Variants in MGAT5B observed in about 807,000 individuals in gnomAD.
The protein encoded by MGAT5B is N-acetylglucosaminyl-transferase Vb.
MGAT5B carries 54 observed loss-of-function variants against 95.1 expected under a neutral mutation model. The ratio of observed to expected loss-of-function variants is 0.57; its 90% CI spans 0.46 to 0.71. The LOEUF (loss-of-function observed/expected upper bound fraction) is 0.71. Ranked by LOEUF, MGAT5B falls within the 30% of genes least tolerant of loss-of-function variation. The pLI, the probability that MGAT5B is intolerant of heterozygous loss-of-function variation, is 0.00. For missense variants in MGAT5B, 935 were observed against 1,088.6 expected, an observed-to-expected ratio of 0.86 and a Z score of 1.99; for synonymous variants, 464 against 451.0, an observed-to-expected ratio of 1.03 and a Z score of -0.36.
At chr17:76,941,141 G>A (rs1462957402) in intron 15 of MGAT5B, among the ~76,000 whole-genome samples, 1 of 152,264 alleles carries the variant, frequency 6.6e-6, no homozygotes, top group African/African-American at 2.4e-5. Flanking sequence ...TGTTTATGGA[G>A]CACTTTTGAG....
In MGAT5B at chr17:76,902,545, TC is replaced by T; in HGVS notation, c.330-7del. The T allele has an allele frequency of 1.3e-6, 2 of 1,570,098 alleles. No individual in the cohort carries two copies. The highest frequency in any genetic ancestry group is 1.4e-5 in the African/African-American group (1 of 73,880). ...GGTTCTGTGGCTCACCTCTGGCTTT[TC>T]CCACTTAGGATGCCCCCTGGGGCCG... On this transcript the variant is annotated splice_polypyrimidine_tract_variant and intron_variant, in intron 3 of 17. Transcript: ENST00000569840.
chr17:76,878,394 A>G (rs903072926), intron 2 of MGAT5B, among the ~76,000 whole-genome samples: 5 of 152,106 alleles, frequency 3.3e-5, no homozygotes, highest in African/African-American at 1.2e-4. Flanking sequence ...TTGAAGAACT[A>G]CAGAAGGGGC....
chr17:76,946,677 C>T (rs1020065301), intron 16 of MGAT5B, among the ~76,000 whole-genome samples: 2 of 152,242 alleles, frequency 1.3e-5, no homozygotes, highest in African/African-American at 4.8e-5. Context: ...CTGTCTGGGC[C>T]CAGCCTTAGA....
intron 12 of MGAT5B, among the ~76,000 whole-genome samples, chr17:76,934,348 T>C (rs1354349363): frequency 6.6e-6 from 1 of 152,208 alleles, no homozygotes; most frequent in Non-Finnish European, 1.5e-5. Flanking sequence ...GCCGAGCTGA[T>C]GTTCCAGCCT....
Position 76,940,881 on chromosome 17 carries a change from A to G in MGAT5B, c.1848+33A>G. 7 of 1,502,148 alleles carry G rather than the reference A, an allele frequency of 4.7e-6. No individual in the cohort carries two copies. Among genetic ancestry groups the G allele is most frequent in the South Asian group, 1.1e-5 (1 of 88,850 alleles). 93.1% of individuals were successfully genotyped at this position (1,502,148 alleles called of 1,614,324 possible). ...CAGCCACATACAGTTGAGACCCCCC[A>G]CTAGTCCACACTGCTGGTCTTCACT... On this transcript the variant is annotated intron_variant, in intron 15 of 17. Transcript: ENST00000569840. The surrounding 1 kb of genome is among the most constrained non-coding windows in gnomAD (Gnocchi z 4.3).
rs774619715 is a variant in MGAT5B at position 76,906,097 on chromosome 17, G to A, written c.935G>A (p.Gly312Glu). ...SPRVLKGGPL[G>E]EMVQWADILT... The stretch of plus-strand genomic sequence containing the variant: ...CGGGTCCTGAAGGGCGGGCCCCTAG[G>A]GGAGATGGTGCAGTGGGCGGACATT... The change falls in exon 8 of 18, where the codon GGG becomes GAG. Residue 312 changes from glycine (G) to glutamate (E), a missense_variant. Physicochemically the swap from Gly to Glu is moderately conservative, Grantham distance 98. Around this residue, in one of 4 missense-constraint regions of MGAT5B, gnomAD observed 243 missense variants for 305.5 expected, o/e 0.80. Coordinates refer to ENST00000569840, the MANE Select transcript of MGAT5B (RefSeq NM_001199172.2). This position sits in a 1 kb window ranked among gnomAD's most constrained non-coding sequence, Gnocchi z 4.6. 6.2e-7 allele frequency: 1 copy of A among 1,607,880 alleles called. No homozygotes were observed. The highest frequency in any genetic ancestry group is 1.1e-5 in the South Asian group (1 of 90,538).
chr17:76,944,989 T>TGGTGG, intron 15 of MGAT5B, among the ~76,000 whole-genome samples: 1 of 152,238 alleles, frequency 6.6e-6, no homozygotes, highest in African/African-American at 2.4e-5. Context: ...CCACCAGGCA[T>TGGTGG]GGTGGGGTGG....
At chr17:76,890,948 G>A (rs1258369729) in intron 3 of MGAT5B, among the ~76,000 whole-genome samples, 1 of 145,060 alleles carries the variant, frequency 6.9e-6, no homozygotes, top group Non-Finnish European at 1.5e-5. Flanking sequence ...GGCTGAGAGA[G>A]CTCTCTGGGG....
At position 76,932,752 on chromosome 17, in the gene MGAT5B, G is replaced by A. The variant is rs774124356; in HGVS notation, c.1399G>A (p.Gly467Ser). ...GKASNMAVVY[G>S]KEASIWKLQG... is the part of the protein sequence containing the mutation. ...GGCCAGCAACATGGCCGTGGTGTACGGCAAGGAGGCGAGCATCTGGAAGGT... is the reference window on the plus strand; with the variant it reads ...GGCCAGCAACATGGCCGTGGTGTACAGCAAGGAGGCGAGCATCTGGAAGGT... Residue 467 changes from glycine to serine, a missense_variant, in exon 11 of 18, where the codon GGC (glycine) becomes AGC (serine). By Grantham distance (56) the Gly-to-Ser change is moderately conservative. Coordinates refer to ENST00000569840, the MANE Select transcript of MGAT5B (RefSeq NM_001199172.2). The A allele has an allele frequency of 1.9e-6, 3 of 1,613,748 alleles. No homozygotes were observed. Among genetic ancestry groups the A allele is most frequent in the Non-Finnish European group, 2.5e-6 (3 of 1,179,862 alleles).
Position 76,897,520 on chromosome 17 carries a change from G to A in MGAT5B, c.330-5035G>A, listed in dbSNP as rs180894887. Among the ~76,000 whole-genome samples, 14 of 152,094 alleles carry A rather than the reference G, an allele frequency of 9.2e-5. No individual in the cohort carries two copies. The East Asian group carries it at 1.6e-3, about 17-fold the overall frequency. On this transcript the variant is annotated intron_variant, in intron 3 of 17. Transcript: ENST00000569840. The stretch of plus-strand genomic sequence containing the variant: ...CATCACTCCGCTCTCTGCCTGCTTC[G>A]TCACATGGTCTTTTCCCCTGGGTGT...
At chr17:76,944,791 G>A (rs1361962025) in intron 15 of MGAT5B, among the ~76,000 whole-genome samples, 1 of 152,238 alleles carries the variant, frequency 6.6e-6, no homozygotes, top group Non-Finnish European at 1.5e-5. Context: ...CCCAGGACGA[G>A]TCTCCTAAGA....
intron 8 of MGAT5B, among the ~76,000 whole-genome samples, chr17:76,908,961 C>T (rs993164664): frequency 3.3e-5 from 5 of 151,718 alleles, no homozygotes; most frequent in Non-Finnish European, 5.9e-5. Flanking sequence ...CGGGTGCCAC[C>T]GTGCCCAGCT....
chr17:76,904,514 A>G, intron 6 of MGAT5B, 92 bp downstream of exon 6: 1 of 1,374,252 alleles, frequency 7.3e-7, no homozygotes, highest in Non-Finnish European at 9.8e-7. Context: ...TGAGGGAATG[A>G]GACTGAGCTG....
At chr17:76,882,730 A>G (rs1450063472) in intron 3 of MGAT5B, among the ~76,000 whole-genome samples, 2 of 93,338 alleles carry the variant, frequency 2.1e-5, no homozygotes, top group Non-Finnish European at 3.9e-5. Context: ...TTTTTTTTTG[A>G]CACAGAGCCT....
In MGAT5B at chr17:76,914,857, C is replaced by G. The variant is rs1044161023; in HGVS notation, c.1025+8670C>G. 2.0e-4 allele frequency among the ~76,000 whole-genome samples: 31 copies of G among 152,276 alleles called. No individual in the cohort carries two copies. Among genetic ancestry groups the G allele is most frequent in the Admixed American group, 7.8e-4 (12 of 15,294 alleles). On this transcript the variant is annotated intron_variant, in intron 8 of 17. Coordinates refer to ENST00000569840, the MANE Select transcript of MGAT5B (RefSeq NM_001199172.2). This position sits in a 1 kb window ranked among gnomAD's most constrained non-coding sequence, Gnocchi z 5.1. ...TTCACCATGTGGGCCAGGCTGGTCT[C>G]AAACTCCTGACCTCAGGTGTTCCAC...
At chr17:76,932,060 C>T (rs76108056) in intron 10 of MGAT5B, among the ~76,000 whole-genome samples, 9 of 146,970 alleles carry the variant, frequency 6.1e-5, no homozygotes, top group South Asian at 2.2e-4. Flanking sequence ...TTCTCCTCCT[C>T]CTTTTTTCCT....
At chr17:76,882,047 G>GC in intron 2 of MGAT5B, 104 bp from the exon 3 acceptor site, 2 of 1,196,542 alleles carry the variant, frequency 1.7e-6, no homozygotes, top group East Asian at 5.5e-5. Flanking sequence ...GGTTGGTGCT[G>GC]GGGGACTTTG....
intron 3 of MGAT5B, among the ~76,000 whole-genome samples, chr17:76,888,002 C>T (rs1967724521): frequency 6.6e-6 from 1 of 152,162 alleles, no homozygotes; most frequent in Non-Finnish European, 1.5e-5. Flanking sequence ...CTGGCTCCTC[C>T]TGCTGGTTCT....
At chr17:76,919,085 G>C (rs555066105) in intron 8 of MGAT5B, among the ~76,000 whole-genome samples, 1 of 152,328 alleles carries the variant, frequency 6.6e-6, no homozygotes, top group South Asian at 2.1e-4. Flanking sequence ...CTCGTGGAAG[G>C]CTACCCAGCA....
Sources: gnomAD v4.1 joint callset for allele counts (sites outside exome capture counted in the v4.1 genomes callset) on GRCh38, gnomAD v4.1.1 for gene constraint, gnomAD v4.1.1 regional missense constraint, Gnocchi (gnomAD v3.1) non-coding constraint, MANE v1.5 for transcripts, NCBI Gene and HGNC (gene_info 2026-07-23, HGNC 2026-07-21) for gene names.